Variants in SPTB observed in about 807,000 individuals in gnomAD.
SPTB encodes the protein spectrin beta, erythrocytic, also known as spectrin beta chain, erythrocytic.
A neutral mutation model predicts 256.2 loss-of-function variants in SPTB; 45 were observed. The observed-to-expected ratio is 0.18, with a 90% CI of 0.14 to 0.23. SPTB has a LOEUF of 0.23. Among genes scored for constraint, SPTB ranks in the 10% least tolerant of loss-of-function variants. The pLI is 1.00. For missense variants in SPTB, 2,715 were observed against 3,040.4 expected (o/e 0.89, Z 2.52); for synonymous variants, 1,231 against 1,243.1 (o/e 0.99, Z 0.21).
chr14:64,825,450 C>A lies in SPTB; in HGVS notation c.-51-2305G>T, dbSNP rs1352432197. ...AACGATAGCCGGGAAAGATACCCCCCACCCCCGGCCCCACACCTTTCTCTA... is the reference window on the plus strand; with the variant it reads ...AACGATAGCCGGGAAAGATACCCCCAACCCCCGGCCCCACACCTTTCTCTA... On this transcript the variant is annotated intron_variant, in intron 1 of 35. Coordinates refer to ENST00000644917, the MANE Select transcript of SPTB (RefSeq NM_001355436.2). The surrounding 1 kb of genome is among the most constrained non-coding windows in gnomAD (Gnocchi z 4.8). Among the ~76,000 whole-genome samples, 2 of 146,924 alleles carry A rather than the reference C, an allele frequency of 1.4e-5. No individual in the cohort carries two copies. Among genetic ancestry groups the A allele is most frequent in the African/African-American group, 2.5e-5 (1 of 40,666 alleles).
intron 2 of SPTB, among the ~76,000 whole-genome samples, chr14:64,812,037 T>A (rs1004251209): frequency 9.2e-5 from 14 of 152,256 alleles, no homozygotes; most frequent in Admixed American, 2.0e-4. Flanking sequence ...TTTTAAATTT[T>A]AAAATCTTTT....
Position 64,844,444 on chromosome 14 carries a change from T to A in SPTB, c.-51-21299A>T, listed in dbSNP as rs1398840374. On this transcript the variant is annotated intron_variant, in intron 1 of 35. Coordinates refer to ENST00000644917, the MANE Select transcript of SPTB (RefSeq NM_001355436.2). The surrounding 1 kb of genome is among the most constrained non-coding windows in gnomAD (Gnocchi z 4.1). ...CACCATGCTAAGTGCCTGACATACA[T>A]ACCTCCTTTCATCATCAGTGCTCTC... 1.3e-5 allele frequency among the ~76,000 whole-genome samples: 2 copies of A among 152,230 alleles called. No individual in the cohort carries two copies. Among genetic ancestry groups the A allele is most frequent in the African/African-American group, 2.4e-5 (1 of 41,458 alleles).
At chr14:64,871,557 C>T (rs1026796256) in intron 1 of SPTB, among the ~76,000 whole-genome samples, 23 of 152,166 alleles carry the variant, frequency 1.5e-4, no homozygotes, top group Admixed American at 1.1e-3. Context: ...GACTCCAGGT[C>T]GCTTAACTTG....
intron 20 of SPTB, 42 bp downstream of exon 20, chr14:64,782,248 C>G: frequency 6.2e-7 from 1 of 1,613,958 alleles, no homozygotes; most frequent in South Asian, 1.1e-5. Flanking sequence ...TTCCACTATC[C>G]CTTCTATCCT....
At chr14:64,750,277 T>C (rs2081924983) in intron 33 of SPTB, 123 bp from the exon 34 acceptor site, 1 of 1,006,152 alleles carries the variant, frequency 9.9e-7, no homozygotes. Context: ...TAACATGTTT[T>C]ATTGTTAAAA....
intron 27 of SPTB, among the ~76,000 whole-genome samples, chr14:64,770,475 T>C (rs1033195110): frequency 2.6e-5 from 4 of 152,288 alleles, no homozygotes; most frequent in Admixed American, 2.6e-4. Context: ...TGACTCCTCC[T>C]CTCATGGACG....
chr14:64,820,750 A>G (rs376497067), intron 2 of SPTB, among the ~76,000 whole-genome samples: 6 of 152,154 alleles, frequency 3.9e-5, no homozygotes, highest in African/African-American at 1.4e-4. Context: ...GGGTCACTGC[A>G]ACCTCCGCCT....
At chr14:64,879,733 T>A (rs1189842976) in intron 1 of SPTB, 59 bp downstream of exon 1, 1 of 152,512 alleles carries the variant, frequency 6.6e-6, no homozygotes, top group Non-Finnish European at 1.5e-5. Context: ...GCGCCGCGCG[T>A]CCCAGCCTTG....
intron 1 of SPTB, among the ~76,000 whole-genome samples, chr14:64,858,800 G>A (rs544538853): frequency 6.6e-6 from 1 of 152,234 alleles, no homozygotes; most frequent in East Asian, 1.9e-4. Context: ...GGGGAATCTT[G>A]GGGCTCAGCC....
chr14:64,864,492 G>A (rs1882041525), intron 1 of SPTB, among the ~76,000 whole-genome samples: 1 of 152,078 alleles, frequency 6.6e-6, no homozygotes, highest in South Asian at 2.1e-4. Context: ...GTCCTAATAT[G>A]GAAAGACGTC....
Position 64,750,058 on chromosome 14 carries a change from C to T in SPTB, c.6699G>A (p.Glu2233=), listed in dbSNP as rs747133621. The T allele has an allele frequency of 9.3e-6, 15 of 1,614,054 alleles. No individual in the cohort carries two copies. Among genetic ancestry groups the T allele is most frequent in the Non-Finnish European group, 1.3e-5 (15 of 1,180,032 alleles). The change falls in exon 34 of 36, where the codon GAG becomes GAA. Residue 2233 remains glutamate (E), a synonymous_variant. Transcript: ENST00000644917. ...NLALGMPYHG[E]EPLALRHAIC... ...TGGCATGTCTCAGGGCCAGGGGTTCCTCCCCATGGTAGGGCATCCCCAGGG... is the reference window on the plus strand; with the variant it reads ...TGGCATGTCTCAGGGCCAGGGGTTCTTCCCCATGGTAGGGCATCCCCAGGG...
In SPTB at chr14:64,805,010, C is replaced by T. The variant is rs781066541; in HGVS notation, c.229G>A (p.Asp77Asn). 31 of 1,614,008 alleles carry T rather than the reference C, an allele frequency of 1.9e-5. No individual in the cohort carries two copies. The highest frequency in any genetic ancestry group is 2.2e-5 in the East Asian group (1 of 44,868). The change falls in exon 3 of 36, where the codon GAT becomes AAT. Residue 77 changes from aspartate (D) to asparagine (N), a missense_variant. This residue lies in a region of SPTB where 416 missense variants were observed against 571.1 expected (regional missense o/e 0.73). Transcript: ENST00000644917. ...CCATCCCGCAGGTCCTTGTAGAGAT[C>T]GGTGATGCGGCAGGACACTCGAGCC... ...HLARVSCRIT[D>N]LYKDLRDGRM...
rs537672501 is a variant in SPTB, at chr14:64,823,676, C to T, written c.-51-531G>A. On this transcript the variant is annotated intron_variant, in intron 1 of 35. Transcript: ENST00000644917. This position sits in a 1 kb window ranked among gnomAD's most constrained non-coding sequence, Gnocchi z 6.5. ...GAGAGTTAAGCCGCCACTGACGCCA[C>T]CAGCCCGGGGCAGCTGCACTGGGGG... 3.3e-5 allele frequency among the ~76,000 whole-genome samples: 5 copies of T among 152,176 alleles called. No individual in the cohort carries two copies. Among genetic ancestry groups the T allele is most frequent in the Non-Finnish European group, 7.3e-5 (5 of 68,032 alleles).
chr14:64,787,272 C>A, intron 15 of SPTB, 112 bp from the exon 16 acceptor site: 1 of 1,382,786 alleles, frequency 7.2e-7, no homozygotes, highest in Non-Finnish European at 9.8e-7. Flanking sequence ...CCCCCACAGA[C>A]TTTGTATGAT....
At position 64,785,879 on chromosome 14, in the gene SPTB, C is replaced by T. The variant is rs2139562567; in HGVS notation, c.3634G>A (p.Asp1212Asn). The change falls in exon 17 of 36, where the codon GAT becomes AAT. Residue 1212 changes from aspartate (D) to asparagine (N), a missense_variant. Asp to Asn is a conservative substitution (Grantham distance 23). Transcript: ENST00000644917. The surrounding 1 kb of genome is among the most constrained non-coding windows in gnomAD (Gnocchi z 4.4). ...AAEAGIRKFE[D>N]FLGSMENNRD... ...TTGTTCTCCATAGACCCCAAGAAAT[C>T]CTCAAACTTCCGGATCCCAGCCTCT... The T allele has an allele frequency of 6.2e-7, 1 of 1,614,138 alleles. No homozygotes were observed. The highest frequency in any genetic ancestry group is 8.5e-7 in the Non-Finnish European group (1 of 1,180,026).
At position 64,777,143 on chromosome 14, in the gene SPTB, A is replaced by C. The variant is rs1190267655; in HGVS notation, c.4564-1740T>G. 2.0e-5 allele frequency among the ~76,000 whole-genome samples: 3 copies of C among 152,100 alleles called. No individual in the cohort carries two copies. Among genetic ancestry groups the C allele is most frequent in the African/African-American group, 7.3e-5 (3 of 41,376 alleles). ...GACCATGACATGAATGACGGGAGGG[A>C]GGCAACCACACAGAGATCTGGGGTT... On this transcript the variant is annotated intron_variant, in intron 22 of 35. Transcript: ENST00000644917. This position sits in a 1 kb window ranked among gnomAD's most constrained non-coding sequence, Gnocchi z 4.5.
intron 24 of SPTB, among the ~76,000 whole-genome samples, chr14:64,773,910 T>C (rs1038462147): frequency 5.9e-5 from 9 of 152,268 alleles, no homozygotes; most frequent in African/African-American, 1.9e-4. Flanking sequence ...GACAGGGCCA[T>C]GGCTGGGGGC....
intron 20 of SPTB, among the ~76,000 whole-genome samples, chr14:64,780,463 G>C (rs2082449977): frequency 6.6e-6 from 1 of 152,132 alleles, no homozygotes; most frequent in South Asian, 2.1e-4. Context: ...GCCCAGGCTG[G>C]AGTGCAATGG....
chr14:64,757,249 A>G (rs563284608), intron 32 of SPTB: 2 of 152,212 alleles, frequency 1.3e-5, no homozygotes, highest in Non-Finnish European at 2.9e-5. Context: ...GTTTTACTAG[A>G]GACCTCCATG....
Sources: allele counts gnomAD v4.1 joint callset (sites outside exome capture counted in the v4.1 genomes callset), GRCh38; gene constraint gnomAD v4.1.1; regional missense constraint gnomAD v4.1.1; non-coding constraint Gnocchi (gnomAD v3.1); transcripts MANE v1.5; gene names NCBI Gene and HGNC (gene_info 2026-07-23, HGNC 2026-07-21).